The following OPRM1 variants were observed in gnomAD, a reference collection of about 807,000 sequenced individuals.
OPRM1 encodes the protein opioid receptor mu 1.
Under a neutral mutation model 31.8 loss-of-function variants are expected in OPRM1, and 27 were observed. The observed-to-expected ratio is 0.85, with a 90% confidence interval of 0.63 to 1.17. The LOEUF (loss-of-function observed/expected upper bound fraction) is 1.17, where lower values mean the gene tolerates loss of function less well. Among genes scored for constraint, OPRM1 ranks in the 50% most tolerant of loss-of-function variants. The probability of loss-of-function intolerance (pLI) is 0.00; values close to 1 mark genes in which losing one functional copy is unlikely to be tolerated. For synonymous variants in OPRM1, 196 were observed against 189.9 expected, an observed-to-expected ratio of 1.03 and a Z score of -0.26; for missense variants, 536 against 511.1, an observed-to-expected ratio of 1.05 and a Z score of -0.47.
At chr6:154,017,135 T>G (rs1371239251) in intron 1 of OPRM1, among the ~76,000 whole-genome samples, 1 of 152,138 alleles carries the variant, frequency 6.6e-6, no homozygotes, top group African/African-American at 2.4e-5. Flanking sequence ...CCTCTCTCCC[T>G]CTCTCTTCCT....
intron 3 of OPRM1, chr6:154,093,282 C>T: frequency 6.2e-7 from 1 of 1,613,022 alleles, no homozygotes; most frequent in South Asian, 1.1e-5. Context: ...CCTACCTATA[C>T]CTTCCCTGTC....
intron 1 of OPRM1, among the ~76,000 whole-genome samples, chr6:154,018,755 G>A (rs9384172): frequency 6.2e-4 from 95 of 152,024 alleles, no homozygotes; most frequent in Non-Finnish European, 1.1e-3. Context: ...TGGTTTATAC[G>A]GAAAAACAAA....
In OPRM1 at chr6:154,246,500, T is replaced by C. The variant is rs1050791951; in HGVS notation, c.1165-193T>C. The C allele has an allele frequency of 5.0e-6, 7 of 1,404,544 alleles. No individual in the cohort carries two copies. The African/African-American group carries it at 7.2e-5, about 14-fold the overall frequency. The allele number at this position is 1,404,544 out of a possible 1,614,324, so 87.0% of individuals were successfully genotyped here. Reference sequence around the variant, plus strand: ...TTTACTCCGCTCCAATTCCCAGAAATCAAAATGAACTTTCCCATAGGGATC... The same window carrying C: ...TTTACTCCGCTCCAATTCCCAGAAACCAAAATGAACTTTCCCATAGGGATC... On this transcript the variant is annotated intron_variant, in intron 3 of 3. Coordinates refer to the OPRM1 transcript ENST00000337049.
rs576467936 is a variant in OPRM1 at position 154,131,852 on chromosome 6, G to C, written c.*13131G>C. Among the ~76,000 whole-genome samples, 1 of 151,054 alleles carries C rather than the reference G, an allele frequency of 6.6e-6. No individual in the cohort carries two copies. The highest frequency in any genetic ancestry group is 1.5e-5 in the Non-Finnish European group (1 of 67,844). On this transcript the variant is annotated 3_prime_UTR_variant, in exon 4 of 4. Transcript: ENST00000330432. ...ATAGAGACAAATACATATATTGTTT[G>C]TTGTGATAATGCACAAAAAGGAATG...
At chr6:154,016,416 G>C (rs374851504) in intron 1 of OPRM1, among the ~76,000 whole-genome samples, 2 of 152,022 alleles carry the variant, frequency 1.3e-5, no homozygotes, top group East Asian at 3.8e-4. Context: ...AATTACCTAA[G>C]GATAGAAGAG....
chr6:154,204,293 C>A (rs767349142), intron 3 of OPRM1, among the ~76,000 whole-genome samples: 3 of 151,982 alleles, frequency 2.0e-5, no homozygotes, highest in Non-Finnish European at 4.4e-5. Context: ...AAATGGCCAC[C>A]CAAACCCTGT....
intron 1 of OPRM1, chr6:154,083,615 G>C (rs1329200438): frequency 2.0e-5 from 3 of 152,340 alleles, no homozygotes; most frequent in Non-Finnish European, 4.4e-5. Context: ...AAGAGCGAGA[G>C]GATGTGGAGA....
At chr6:154,067,018 G>A (rs1785564280) in intron 1 of OPRM1, among the ~76,000 whole-genome samples, 1 of 152,006 alleles carries the variant, frequency 6.6e-6, no homozygotes, top group African/African-American at 2.4e-5. Context: ...CTAGTAATAT[G>A]CCTACTTCAA....
At chr6:154,177,874 G>T (rs1186148674) in intron 3 of OPRM1, among the ~76,000 whole-genome samples, 1 of 152,078 alleles carries the variant, frequency 6.6e-6, no homozygotes, top group Non-Finnish European at 1.5e-5. Flanking sequence ...CAATAGCAAA[G>T]ACTTGTAACC....
In OPRM1 at chr6:154,152,340, AAAGAAAG is replaced by A. The variant is rs1562510686; in HGVS notation, c.1164+60869_1164+60875del. On this transcript the variant is annotated intron_variant, in intron 3 of 3. Coordinates refer to the OPRM1 transcript ENST00000337049. ...GAAAGAAAGAAAGAAAGAAAGAAAG[AAAGAAAG>A]GAAAGAAAGAAAGAAAGAAAGAAAG... 1.6e-3 allele frequency among the ~76,000 whole-genome samples: 16 copies of A among 9,836 alleles called. 1 individual carries two copies. Among genetic ancestry groups the A allele is most frequent in the East Asian group, 7.2e-3 (1 of 138 alleles). The allele number at this position is 9,836 out of a possible 152,430, so 6.5% of individuals were successfully genotyped here. A position where few individuals can be genotyped will look rare whatever the true frequency, so the allele number is the denominator to read the frequency against.
intron 3 of OPRM1, among the ~76,000 whole-genome samples, chr6:154,209,737 T>G (rs1384346884): frequency 6.6e-6 from 1 of 152,074 alleles, no homozygotes; most frequent in Non-Finnish European, 1.5e-5. Flanking sequence ...GCCTTCCATG[T>G]CTGTTTTTCA....
intron 3 of OPRM1, among the ~76,000 whole-genome samples, chr6:154,240,133 A>T (rs1780462343): frequency 6.6e-6 from 1 of 152,234 alleles, no homozygotes; most frequent in African/African-American, 2.4e-5. Context: ...AAGTCTGGGA[A>T]CACATCAGTG....
At chr6:154,039,101 T>C (rs1217572047), upstream of OPRM1, 2 of 1,486,730 alleles carry the variant, frequency 1.3e-6, no homozygotes, top group East Asian at 5.0e-5. Flanking sequence ...TATTTTTCAC[T>C]GCTACCAAAG....
At chr6:154,074,349 A>G (rs1291760233) in intron 1 of OPRM1, 1 of 152,264 alleles carries the variant, frequency 6.6e-6, no homozygotes, top group African/African-American at 2.4e-5. Flanking sequence ...ATAAACGAAC[A>G]AATTGGAAAT....
intron 3 of OPRM1, chr6:154,093,471 A>T (rs981536795): frequency 1.2e-6 from 2 of 1,613,026 alleles, no homozygotes; most frequent in Non-Finnish European, 1.7e-6. Context: ...CAGTTGCCCG[A>T]CACTGCCCTT....
chr6:154,075,453 T>C (rs770141601), intron 1 of OPRM1, among the ~76,000 whole-genome samples: 3 of 65,388 alleles, frequency 4.6e-5, no homozygotes, highest in African/African-American at 3.0e-4. Flanking sequence ...AAATAAGCAC[T>C]TTTTTTTTTT....
intron 1 of OPRM1, among the ~76,000 whole-genome samples, chr6:154,056,129 T>C (rs1783233275): frequency 6.6e-6 from 1 of 151,832 alleles, no homozygotes; most frequent in Non-Finnish European, 1.5e-5. Context: ...CTTTTTTCTT[T>C]TTCTTTTTGT....
At chr6:154,140,171 T>C (rs1264767501) in intron 3 of OPRM1, among the ~76,000 whole-genome samples, 1 of 152,096 alleles carries the variant, frequency 6.6e-6, no homozygotes, top group African/African-American at 2.4e-5. Flanking sequence ...ACACTGACAG[T>C]CTGTCATTAT....
chr6:154,033,292 G>A (rs1200478149), intron 1 of OPRM1, among the ~76,000 whole-genome samples: 1 of 152,194 alleles, frequency 6.6e-6, no homozygotes, highest in Non-Finnish European at 1.5e-5. Flanking sequence ...TGTGGAGGAG[G>A]AGAAAGGGAA....
Sources: gnomAD v4.1 joint callset for allele counts (sites outside exome capture counted in the v4.1 genomes callset) on GRCh38, gnomAD v4.1.1 for gene constraint, MANE v1.5 for transcripts, NCBI Gene and HGNC (gene_info 2026-07-23, HGNC 2026-07-21) for gene names.